Variants in SCUBE1 observed in about 807,000 individuals in gnomAD.
SCUBE1 encodes signal peptide, CUB domain and EGF like domain containing 1, also known as signal peptide, CUB and EGF-like domain-containing protein 1.
SCUBE1 carries 59 observed loss-of-function variants against 124.4 expected under a neutral mutation model. That is an observed-to-expected ratio of 0.47 (90% CI 0.38 to 0.59). The LOEUF (loss-of-function observed/expected upper bound fraction) is 0.59, where lower values mean the gene tolerates loss of function less well. Ranked by LOEUF, SCUBE1 falls within the 20% of genes least tolerant of loss-of-function variation. SCUBE1 has a pLI of 0.00. For missense variants in SCUBE1, 1,150 were observed against 1,371.2 expected (o/e 0.84, Z 2.55); for synonymous variants, 545 against 550.9 (o/e 0.99, Z 0.15).
intron 3 of SCUBE1, among the ~76,000 whole-genome samples, chr22:43,296,222 T>C (rs952222313): frequency 4.6e-5 from 7 of 152,156 alleles, no homozygotes; most frequent in Non-Finnish European, 5.9e-5. Context: ...TCAGTCCAAC[T>C]AGCAGGGGGA....
At chr22:43,314,324 G>A (rs1383757549) in intron 3 of SCUBE1, among the ~76,000 whole-genome samples, 6 of 152,126 alleles carry the variant, frequency 3.9e-5, no homozygotes, top group South Asian at 2.1e-4. Flanking sequence ...AGACTGTGGC[G>A]AACAAGAGAG....
intron 6 of SCUBE1, among the ~76,000 whole-genome samples, chr22:43,251,533 G>A (rs1227138284): frequency 2.0e-5 from 3 of 152,180 alleles, no homozygotes; most frequent in African/African-American, 7.2e-5. Context: ...GAGAGTAACC[G>A]AGGGAGGCAG....
At chr22:43,221,678 A>G (rs927873640) in intron 12 of SCUBE1, among the ~76,000 whole-genome samples, 1 of 152,226 alleles carries the variant, frequency 6.6e-6, no homozygotes, top group Admixed American at 6.5e-5. Flanking sequence ...TAGATCCAGG[A>G]CTGCCGGTTC....
At chr22:43,328,900 G>A (rs1926813844) in intron 2 of SCUBE1, among the ~76,000 whole-genome samples, 1 of 152,232 alleles carries the variant, frequency 6.6e-6, no homozygotes, top group Admixed American at 6.5e-5. Context: ...AAAAGAAACT[G>A]AGGCTCAGAA....
At chr22:43,318,593 T>C (rs1170529740) in intron 3 of SCUBE1, among the ~76,000 whole-genome samples, 2 of 152,160 alleles carry the variant, frequency 1.3e-5, no homozygotes, top group Non-Finnish European at 2.9e-5. Context: ...TGATCACCAC[T>C]ATGGTAAAAA....
At chr22:43,319,894 G>C in intron 3 of SCUBE1, 43 bp downstream of exon 3, 1 of 1,605,904 alleles carries the variant, frequency 6.2e-7, no homozygotes, top group Non-Finnish European at 8.5e-7. Context: ...CAAAGCAACA[G>C]GCAGGGTGTG....
At chr22:43,307,461 C>A (rs376743199) in intron 3 of SCUBE1, among the ~76,000 whole-genome samples, 5 of 152,342 alleles carry the variant, frequency 3.3e-5, no homozygotes, top group South Asian at 2.1e-4. Flanking sequence ...AGGAGAGCTG[C>A]GCAGACAACG....
intron 6 of SCUBE1, among the ~76,000 whole-genome samples, chr22:43,240,704 G>C (rs1363465534): frequency 6.6e-6 from 1 of 152,204 alleles, no homozygotes; most frequent in Non-Finnish European, 1.5e-5. Flanking sequence ...ACAAGGGCCT[G>C]GCTTGTTAGT....
chr22:43,219,569 GT>G (rs561382382), intron 14 of SCUBE1, among the ~76,000 whole-genome samples: 1 of 151,556 alleles, frequency 6.6e-6, no homozygotes, highest in South Asian at 2.1e-4. Context: ...TGCCTCCCAG[GT>G]TCAAGCGATT....
At chr22:43,268,749 G>A (rs1601842864) in intron 4 of SCUBE1, among the ~76,000 whole-genome samples, 1 of 152,242 alleles carries the variant, frequency 6.6e-6, no homozygotes, top group Admixed American at 6.5e-5. Context: ...GGCTAAGGGT[G>A]CAGATAGGCT....
chr22:43,234,958 C>T lies in SCUBE1; in HGVS notation c.845-3083G>A, dbSNP rs868305148. On this transcript the variant is annotated intron_variant, in intron 7 of 21. Coordinates refer to ENST00000360835, the MANE Select transcript of SCUBE1 (RefSeq NM_173050.5). The surrounding 1 kb of genome is among the most constrained non-coding windows in gnomAD (Gnocchi z 4.4). ...CAGCCCCCCTCTCACCTGCTGACCC[C>T]AGCCCTGGGAAAAACGGCCCTTCCA... is the stretch of plus-strand genomic sequence containing the variant. Among the ~76,000 whole-genome samples, 2 of 152,304 alleles carry T rather than the reference C, an allele frequency of 1.3e-5. No individual in the cohort carries two copies. Among genetic ancestry groups the T allele is most frequent in the African/African-American group, 4.8e-5 (2 of 41,566 alleles).
chr22:43,269,595 G>A (rs1271533539), intron 4 of SCUBE1, among the ~76,000 whole-genome samples: 1 of 152,152 alleles, frequency 6.6e-6, no homozygotes, highest in African/African-American at 2.4e-5. Context: ...GGGAACGGCA[G>A]AGCAGGGAGA....
At chr22:43,246,246 G>A (rs550918291) in intron 6 of SCUBE1, among the ~76,000 whole-genome samples, 3 of 152,294 alleles carry the variant, frequency 2.0e-5, no homozygotes, top group Admixed American at 2.0e-4. Context: ...AGTGAAGGGT[G>A]CTTAGGGCAG....
chr22:43,204,096 G>A lies in SCUBE1; in HGVS notation c.2868C>T (p.Tyr956=), dbSNP rs566246276. ...TGGATTCCTGGGCTGTGTACTTGAA[G>A]TAGTTCTGGGGATGCGCCAGCACGT... ...LFDVLAHPQN[Y]FKYTAQESKE... Residue 956 remains tyrosine (Y), a synonymous_variant, in exon 22 of 22, where the codon TAC becomes TAT. Transcript: ENST00000360835. 13 of 1,614,108 alleles carry A rather than the reference G, an allele frequency of 8.1e-6. No individual in the cohort carries two copies. In the Admixed American group the frequency reaches 1.2e-4, roughly 14 times the overall value.
intron 7 of SCUBE1, among the ~76,000 whole-genome samples, chr22:43,236,858 G>A (rs2001076): frequency 0.047 from 7,078 of 152,210 alleles, 194 homozygotes; most frequent in South Asian, 0.11. Context: ...GGCAGGAACC[G>A]TCTCTTTTAT....
intron 8 of SCUBE1, among the ~76,000 whole-genome samples, chr22:43,229,741 G>C (rs1000031673): frequency 9.9e-5 from 15 of 152,220 alleles, no homozygotes; most frequent in Admixed American, 7.2e-4. Context: ...GATAGAATGT[G>C]AAATGTGATG....
At chr22:43,338,689 C>T (rs571239204) in intron 2 of SCUBE1, among the ~76,000 whole-genome samples, 1 of 152,084 alleles carries the variant, frequency 6.6e-6, no homozygotes, top group Admixed American at 6.5e-5. Flanking sequence ...CCACGCTCGG[C>T]TAACTTTTTT....
At position 43,221,166 on chromosome 22, in the gene SCUBE1, C is replaced by T; in HGVS notation, c.1549+7G>A. 1.2e-6 allele frequency: 2 copies of T among 1,600,998 alleles called. No homozygotes were observed. The highest frequency in any genetic ancestry group is 1.7e-6 in the Non-Finnish European group (2 of 1,173,392). ...GGTGTGGGTTAGGAGCAGGGCGTCC[C>T]ACTCACCCAGCAGCGGCTGCCTGGC... On this transcript the variant is annotated splice_region_variant and intron_variant, in intron 13 of 21. Transcript: ENST00000360835.
intron 6 of SCUBE1, among the ~76,000 whole-genome samples, chr22:43,256,195 G>A (rs1923655356): frequency 2.0e-5 from 3 of 152,222 alleles, no homozygotes; most frequent in Admixed American, 1.3e-4. Flanking sequence ...GATCGATTTG[G>A]GCAGCGCTGG....
Sources: gnomAD v4.1 joint callset for allele counts (sites outside exome capture counted in the v4.1 genomes callset) on GRCh38, gnomAD v4.1.1 for gene constraint, Gnocchi (gnomAD v3.1) non-coding constraint, MANE v1.5 for transcripts, NCBI Gene and HGNC (gene_info 2026-07-23, HGNC 2026-07-21) for gene names.